The following FRMD3 variants were observed in gnomAD, a reference collection of about 807,000 sequenced individuals.
FRMD3 encodes the protein FERM domain-containing protein 3.
A neutral mutation model predicts 70.2 loss-of-function variants in FRMD3; 33 were observed. The ratio of observed to expected loss-of-function variants is 0.47; its 90% CI spans 0.36 to 0.63. FRMD3 has a LOEUF of 0.63. Among genes scored for constraint, FRMD3 ranks in the 20% least tolerant of loss-of-function variants. The pLI is 0.00. For missense variants in FRMD3, 632 were observed against 711.4 expected, an observed-to-expected ratio of 0.89 and a Z score of 1.27; for synonymous variants, 279 against 255.9, an observed-to-expected ratio of 1.09 and a Z score of -0.86.
chr9:83,277,789 G>A (rs1037738282), intron 13 of FRMD3, among the ~76,000 whole-genome samples: 5 of 152,196 alleles, frequency 3.3e-5, no homozygotes. Context: ...TGTCCTGGTT[G>A]CATTTAGAAT....
intron 3 of FRMD3, chr9:83,350,998 T>A (rs1000164047): frequency 1.0e-6 from 1 of 971,708 alleles, no homozygotes; most frequent in Non-Finnish European, 1.2e-6. Flanking sequence ...GACATACCAC[T>A]CATTTGCTTC....
the FRMD3 span, among the ~76,000 whole-genome samples, chr9:83,552,968 A>G: frequency 6.6e-6 from 1 of 152,094 alleles, no homozygotes; most frequent in Non-Finnish European, 1.5e-5. Flanking sequence ...AAGAGAGACA[A>G]TTAACCCATT....
chr9:83,540,662 T>C (rs1298157095), upstream of FRMD3, among the ~76,000 whole-genome samples: 1 of 152,074 alleles, frequency 6.6e-6, no homozygotes, highest in Non-Finnish European at 1.5e-5. Context: ...ATAATAATAA[T>C]AATATGAAGA....
intron 13 of FRMD3, among the ~76,000 whole-genome samples, chr9:83,265,395 T>TTA (rs1833208275): frequency 1.3e-5 from 1 of 77,420 alleles, no homozygotes; most frequent in Non-Finnish European, 2.5e-5. Context: ...GCGAGACTCT[T>TTA]AAAAAAAAAA....
chr9:83,336,487 T>C (rs2131143883), intron 5 of FRMD3, among the ~76,000 whole-genome samples: 1 of 151,324 alleles, frequency 6.6e-6, no homozygotes, highest in East Asian at 2.0e-4. Context: ...TGACTGGAGC[T>C]GCCTGCTCTG....
At chr9:83,549,255 C>G in the FRMD3 span, among the ~76,000 whole-genome samples, 4 of 152,148 alleles carry the variant, frequency 2.6e-5, no homozygotes, top group African/African-American at 9.7e-5. Flanking sequence ...GCCTCCAACT[C>G]CATCCATATT....
At chr9:83,509,253 C>T (rs1829280556) in intron 1 of FRMD3, among the ~76,000 whole-genome samples, 1 of 152,120 alleles carries the variant, frequency 6.6e-6, no homozygotes, top group African/African-American at 2.4e-5. Context: ...ATACCAGGTG[C>T]TACACTGACC....
chr9:83,370,979 T>G (rs998302115), intron 3 of FRMD3, among the ~76,000 whole-genome samples: 1 of 152,164 alleles, frequency 6.6e-6, no homozygotes, highest in Admixed American at 6.5e-5. Context: ...TCTTAAACGC[T>G]AAATTTCTCA....
intron 6 of FRMD3, among the ~76,000 whole-genome samples, chr9:83,318,435 C>T (rs1436484933): frequency 6.6e-6 from 1 of 151,844 alleles, no homozygotes. Flanking sequence ...GATCTCATTC[C>T]TTTTATGGTT....
At chr9:83,533,882 C>T (rs1679929136) in intron 1 of FRMD3, among the ~76,000 whole-genome samples, 1 of 152,156 alleles carries the variant, frequency 6.6e-6, no homozygotes, top group Non-Finnish European at 1.5e-5. Flanking sequence ...CCATGTTTAC[C>T]AGGCTTTGCC....
At chr9:83,357,669 C>T (rs1190382153) in intron 3 of FRMD3, among the ~76,000 whole-genome samples, 2 of 151,924 alleles carry the variant, frequency 1.3e-5, no homozygotes, top group Admixed American at 6.6e-5. Flanking sequence ...TTTCTCTGAT[C>T]ATTAGTGATG....
At chr9:83,336,617 C>G (rs1823589046) in intron 5 of FRMD3, among the ~76,000 whole-genome samples, 1 of 147,538 alleles carries the variant, frequency 6.8e-6, no homozygotes, top group South Asian at 2.3e-4. Flanking sequence ...AACAGAAGAG[C>G]ATACTAGATT....
At chr9:83,419,601 C>T (rs923108702) in intron 1 of FRMD3, among the ~76,000 whole-genome samples, 20 of 146,694 alleles carry the variant, frequency 1.4e-4, no homozygotes, top group South Asian at 4.4e-4. Flanking sequence ...ATGTGTGCTG[C>T]GTGTGTGATA....
intron 2 of FRMD3, among the ~76,000 whole-genome samples, chr9:83,384,114 C>T (rs1484760326): frequency 4.6e-5 from 7 of 152,210 alleles, no homozygotes; most frequent in Admixed American, 2.6e-4. Flanking sequence ...AGCCAAGTTA[C>T]TTGTACCTGT....
At chr9:83,378,476 T>TTATA (rs575847634) in intron 2 of FRMD3, among the ~76,000 whole-genome samples, 5 of 91,620 alleles carry the variant, frequency 5.5e-5, no homozygotes, top group East Asian at 2.5e-4. Context: ...CATATAAAAT[T>TTATA]TATATATATA....
At chr9:83,335,852 CT>C (rs1823560402) in intron 5 of FRMD3, among the ~76,000 whole-genome samples, 1 of 152,160 alleles carries the variant, frequency 6.6e-6, no homozygotes, top group Non-Finnish European at 1.5e-5. Context: ...AGAATCTTCT[CT>C]GGGTCTCGCC....
At chr9:83,528,579 G>C (rs1829732167) in intron 1 of FRMD3, among the ~76,000 whole-genome samples, 1 of 151,926 alleles carries the variant, frequency 6.6e-6, no homozygotes, top group Non-Finnish European at 1.5e-5. Context: ...ACCCAGGCTG[G>C]AGTGCAGTGG....
At chr9:83,577,163 G>C in the FRMD3 span, among the ~76,000 whole-genome samples, 1 of 151,940 alleles carries the variant, frequency 6.6e-6, no homozygotes, top group Non-Finnish European at 1.5e-5. Context: ...TTGATCTATA[G>C]ATTGAGTACA....
chr9:83,262,718 T>C (rs776000293), intron 13 of FRMD3, among the ~76,000 whole-genome samples: 6 of 152,196 alleles, frequency 3.9e-5, no homozygotes, highest in Non-Finnish European at 7.4e-5. Flanking sequence ...TTGCACAGAC[T>C]GCTACTTCTT....
Sources: allele counts gnomAD v4.1 joint callset (sites outside exome capture counted in the v4.1 genomes callset), GRCh38; gene constraint gnomAD v4.1.1; transcripts MANE v1.5; gene names NCBI Gene and HGNC (gene_info 2026-07-23, HGNC 2026-07-21).